The following EXOC4 variants were observed in gnomAD, a reference collection of about 807,000 sequenced individuals.
EXOC4 encodes exocyst complex component 4.
EXOC4 carries 71 observed loss-of-function variants against 107.2 expected under a neutral mutation model. The observed-to-expected ratio is 0.66, with a 90% confidence interval of 0.55 to 0.81. The LOEUF (loss-of-function observed/expected upper bound fraction) is 0.81. Among genes scored for constraint, EXOC4 ranks in the 30% least tolerant of loss-of-function variants. The pLI is 0.00. For synonymous variants in EXOC4, 456 were observed against 441.2 expected (o/e 1.03, Z -0.42); for missense variants, 1,108 against 1,189.6 (o/e 0.93, Z 1.01).
At chr7:133,995,717 TTA>T (rs1794374836) in intron 14 of EXOC4, among the ~76,000 whole-genome samples, 1 of 152,218 alleles carries the variant, frequency 6.6e-6, no homozygotes, top group South Asian at 2.1e-4. Flanking sequence ...TTCTTTTTTT[TTA>T]TGTTTGCCAT....
chr7:133,633,011 T>C (rs928492278), intron 10 of EXOC4, among the ~76,000 whole-genome samples: 3 of 152,200 alleles, frequency 2.0e-5, no homozygotes, highest in African/African-American at 7.2e-5. Flanking sequence ...GGTTCAGGAC[T>C]AGGCTCCTTC....
chr7:133,698,284 C>A (rs1794581808), intron 10 of EXOC4, among the ~76,000 whole-genome samples: 8 of 151,958 alleles, frequency 5.3e-5, no homozygotes, highest in Admixed American at 5.3e-4. Flanking sequence ...GCCTTCACTT[C>A]TGTGTTGAGA....
At chr7:133,754,820 T>C (rs904614488) in intron 10 of EXOC4, among the ~76,000 whole-genome samples, 2 of 152,202 alleles carry the variant, frequency 1.3e-5, no homozygotes, top group African/African-American at 4.8e-5. Context: ...AGATGTGGTC[T>C]AAAGCTCTTC....
chr7:133,537,639 G>A (rs1800299473), intron 9 of EXOC4, among the ~76,000 whole-genome samples: 1 of 152,146 alleles, frequency 6.6e-6, no homozygotes. Flanking sequence ...GTCAGTGACT[G>A]TAGTCTTAAG....
intron 10 of EXOC4, among the ~76,000 whole-genome samples, chr7:133,658,962 C>T (rs1803365854): frequency 7.3e-6 from 1 of 136,228 alleles, no homozygotes; most frequent in South Asian, 2.5e-4. Context: ...AAGAAGTAAC[C>T]TTAGCCAATC....
chr7:133,722,326 C>T (rs1795122177), intron 10 of EXOC4, among the ~76,000 whole-genome samples: 1 of 152,164 alleles, frequency 6.6e-6, no homozygotes, highest in South Asian at 2.1e-4. Flanking sequence ...AGCTACTTTA[C>T]CTGAGTTCAT....
chr7:133,908,293 A>G (rs531857268), intron 12 of EXOC4, among the ~76,000 whole-genome samples: 149 of 152,376 alleles, frequency 9.8e-4, no homozygotes, highest in Admixed American at 3.2e-3. Context: ...ATTCTGTTGA[A>G]TTAGATTCTC....
chr7:133,828,393 A>G (rs555275272), intron 11 of EXOC4, among the ~76,000 whole-genome samples: 16 of 152,296 alleles, frequency 1.1e-4, no homozygotes, highest in Admixed American at 7.8e-4. Flanking sequence ...ATCGTGCGAG[A>G]TTACTAGTAG....
chr7:133,760,316 A>G (rs924262664), intron 10 of EXOC4, among the ~76,000 whole-genome samples: 1 of 152,210 alleles, frequency 6.6e-6, no homozygotes, highest in Admixed American at 6.5e-5. Context: ...AATGCTTTCA[A>G]TAAACCCAGA....
chr7:133,409,373 A>G (rs185167003), intron 7 of EXOC4, among the ~76,000 whole-genome samples: 5 of 152,210 alleles, frequency 3.3e-5, no homozygotes, highest in South Asian at 2.1e-4. Context: ...GCTACATGCT[A>G]TAAGCACAGT....
At chr7:133,253,871 G>T (rs1440973344) in intron 1 of EXOC4, 2 of 152,216 alleles carry the variant, frequency 1.3e-5, no homozygotes, top group African/African-American at 4.8e-5. Flanking sequence ...AGTGGGAGCG[G>T]TGGATCTTTT....
chr7:133,660,496 G>C (rs761606251), intron 10 of EXOC4, among the ~76,000 whole-genome samples: 6 of 152,252 alleles, frequency 3.9e-5, no homozygotes, highest in Non-Finnish European at 5.9e-5. Flanking sequence ...AAGACTTCTT[G>C]ATAACAGGAG....
At chr7:133,659,719 C>A (rs1325815579) in intron 10 of EXOC4, among the ~76,000 whole-genome samples, 1 of 152,142 alleles carries the variant, frequency 6.6e-6, no homozygotes, top group Non-Finnish European at 1.5e-5. Flanking sequence ...TTGAAGTTTA[C>A]AACCTGTTAG....
intron 11 of EXOC4, among the ~76,000 whole-genome samples, chr7:133,837,138 G>C (rs1797935324): frequency 6.6e-6 from 1 of 152,152 alleles, no homozygotes; most frequent in Admixed American, 6.5e-5. Context: ...CTTTGGCCTG[G>C]AATTCAATTG....
intron 3 of EXOC4, among the ~76,000 whole-genome samples, chr7:133,293,204 G>A (rs1281516427): frequency 2.6e-5 from 4 of 152,058 alleles, no homozygotes; most frequent in South Asian, 2.1e-4. Context: ...CAAAAATTTC[G>A]TGGAGGTAGG....
At chr7:133,786,234 A>C (rs1452137289) in intron 10 of EXOC4, among the ~76,000 whole-genome samples, 2 of 152,208 alleles carry the variant, frequency 1.3e-5, no homozygotes, top group Non-Finnish European at 2.9e-5. Flanking sequence ...AGTCGTCTGC[A>C]AATCTTCTCT....
intron 3 of EXOC4, among the ~76,000 whole-genome samples, chr7:133,303,533 A>G (rs1387501001): frequency 1.3e-5 from 2 of 152,228 alleles, no homozygotes; most frequent in East Asian, 3.8e-4. Flanking sequence ...TTTGAGTACC[A>G]CTTAGTATGG....
intron 6 of EXOC4, among the ~76,000 whole-genome samples, chr7:133,357,975 G>C: frequency 6.6e-6 from 1 of 152,188 alleles, no homozygotes; most frequent in Middle Eastern, 3.4e-3. Flanking sequence ...ATTGCTTGAG[G>C]TCAGGAGTTC....
chr7:133,780,468 A>T (rs1408732561), intron 10 of EXOC4, among the ~76,000 whole-genome samples: 1 of 152,192 alleles, frequency 6.6e-6, no homozygotes, highest in African/African-American at 2.4e-5. Flanking sequence ...TTGTCATTAA[A>T]CAGCCTGATT....
Sources: allele counts gnomAD v4.1 joint callset (sites outside exome capture counted in the v4.1 genomes callset), GRCh38; gene constraint gnomAD v4.1.1; transcripts MANE v1.5; gene names NCBI Gene and HGNC (gene_info 2026-07-23, HGNC 2026-07-21).